The following FGF14 variants were observed in gnomAD, a reference collection of about 807,000 sequenced individuals.
FGF14 encodes the protein fibroblast growth factor 14.
FGF14 carries 5 observed loss-of-function variants against 25.5 expected under a neutral mutation model. The observed-to-expected ratio is 0.20, with a 90% CI of 0.10 to 0.41. The LOEUF (loss-of-function observed/expected upper bound fraction) is 0.41. Among genes scored for constraint, FGF14 ranks in the 10% least tolerant of loss-of-function variants. FGF14 has a pLI of 1.00. For synonymous variants in FGF14, 138 were observed against 118.3 expected, an observed-to-expected ratio of 1.17 and a Z score of -1.08; for missense variants, 222 against 320.1, an observed-to-expected ratio of 0.69 and a Z score of 2.34.
intron 1 of FGF14, among the ~76,000 whole-genome samples, chr13:101,996,689 G>T (rs2039205474): frequency 6.6e-6 from 1 of 152,166 alleles, no homozygotes; most frequent in Non-Finnish European, 1.5e-5. Flanking sequence ...TAGTTTGTAA[G>T]TAAGTTAGGA....
chr13:101,870,746 G>T (rs888373155), intron 2 of FGF14, among the ~76,000 whole-genome samples: 2 of 152,244 alleles, frequency 1.3e-5, no homozygotes, highest in South Asian at 2.1e-4. Flanking sequence ...CTGAGGTCAG[G>T]AGTTCGAGAC....
intron 4 of FGF14, 44 bp downstream of exon 4, chr13:101,726,568 T>C: frequency 6.4e-7 from 1 of 1,557,908 alleles, no homozygotes; most frequent in South Asian, 1.1e-5. Context: ...AAAAATAAAA[T>C]ATGTAATAAG....
chr13:102,050,526 TTCTG>T (rs939016195), intron 1 of FGF14, among the ~76,000 whole-genome samples: 1 of 152,164 alleles, frequency 6.6e-6, no homozygotes, highest in South Asian at 2.1e-4. Context: ...TAAGCTGATG[TTCTG>T]TCTAATAATG....
At chr13:101,804,194 A>G (rs2041066831) in intron 3 of FGF14, among the ~76,000 whole-genome samples, 1 of 152,166 alleles carries the variant, frequency 6.6e-6, no homozygotes, top group Non-Finnish European at 1.5e-5. Context: ...GTACTTAGAG[A>G]CCTTAGTGAG....
chr13:102,196,190 C>T (rs752570118), intron 1 of FGF14, among the ~76,000 whole-genome samples: 3 of 152,162 alleles, frequency 2.0e-5, no homozygotes, highest in Non-Finnish European at 2.9e-5. Flanking sequence ...CCGTGACAAT[C>T]GTCTAGACAA....
chr13:102,276,895 T>C (rs972621571), intron 1 of FGF14, among the ~76,000 whole-genome samples: 1 of 152,210 alleles, frequency 6.6e-6, no homozygotes, highest in African/African-American at 2.4e-5. Context: ...CTTGGTAGTA[T>C]GTTCACAGGT....
At chr13:101,835,219 G>C (rs1190871842) in intron 3 of FGF14, among the ~76,000 whole-genome samples, 4 of 152,072 alleles carry the variant, frequency 2.6e-5, no homozygotes, top group African/African-American at 9.7e-5. Flanking sequence ...TTTCAAGGTT[G>C]TGTATGTGGG....
At chr13:101,860,224 T>C (rs527674463) in intron 3 of FGF14, among the ~76,000 whole-genome samples, 1 of 152,150 alleles carries the variant, frequency 6.6e-6, no homozygotes, top group Non-Finnish European at 1.5e-5. Flanking sequence ...TTCTGAAGTC[T>C]CAGCAGAAGT....
intron 1 of FGF14, among the ~76,000 whole-genome samples, chr13:102,090,873 G>A (rs931222198): frequency 2.0e-5 from 3 of 152,180 alleles, no homozygotes; most frequent in Non-Finnish European, 4.4e-5. Flanking sequence ...CCATTGAGTC[G>A]GCTAGGAGCC....
At chr13:102,276,787 G>A (rs1046164950) in intron 1 of FGF14, among the ~76,000 whole-genome samples, 2 of 152,126 alleles carry the variant, frequency 1.3e-5, no homozygotes, top group Admixed American at 6.5e-5. Flanking sequence ...TACTATAACA[G>A]CATGACATTT....
intron 1 of FGF14, among the ~76,000 whole-genome samples, chr13:101,991,216 T>A (rs1207095532): frequency 6.6e-6 from 1 of 152,152 alleles, no homozygotes; most frequent in Non-Finnish European, 1.5e-5. Flanking sequence ...AATACTTTTT[T>A]AAAATACTGA....
At chr13:102,376,644 C>A (rs1423014874) in intron 1 of FGF14, among the ~76,000 whole-genome samples, 2 of 152,118 alleles carry the variant, frequency 1.3e-5, no homozygotes, top group East Asian at 1.9e-4. Flanking sequence ...AAAAAGAAAA[C>A]CCTCGCTATA....
At chr13:102,097,386 G>C (rs2044452159) in intron 1 of FGF14, among the ~76,000 whole-genome samples, 1 of 152,046 alleles carries the variant, frequency 6.6e-6, no homozygotes, top group Admixed American at 6.6e-5. Flanking sequence ...AAGCTGTCTG[G>C]GACAAATAGT....
At chr13:101,728,825 CT>C (rs2035615481) in intron 3 of FGF14, among the ~76,000 whole-genome samples, 1 of 152,112 alleles carries the variant, frequency 6.6e-6, no homozygotes, top group Non-Finnish European at 1.5e-5. Flanking sequence ...CAGAACCTGG[CT>C]CACTGATGCT....
chr13:101,772,625 T>C (rs1177130632), intron 3 of FGF14, among the ~76,000 whole-genome samples: 1 of 152,120 alleles, frequency 6.6e-6, no homozygotes, highest in South Asian at 2.1e-4. Context: ...GAATAAATTA[T>C]AGCACATATT....
At chr13:102,048,045 T>A (rs1344537436) in intron 1 of FGF14, among the ~76,000 whole-genome samples, 2 of 151,834 alleles carry the variant, frequency 1.3e-5, no homozygotes, top group African/African-American at 2.4e-5. Flanking sequence ...GCAGTTGATA[T>A]AAACTTTTCA....
intron 1 of FGF14, among the ~76,000 whole-genome samples, chr13:101,960,705 T>G (rs1260242860): frequency 6.6e-6 from 1 of 152,186 alleles, no homozygotes; most frequent in East Asian, 1.9e-4. Context: ...CGGGTGTATA[T>G]CCAGTAATGG....
At chr13:102,159,827 T>C (rs1396613731) in intron 1 of FGF14, among the ~76,000 whole-genome samples, 1 of 152,224 alleles carries the variant, frequency 6.6e-6, no homozygotes, top group African/African-American at 2.4e-5. Context: ...AATTTAAAGT[T>C]ATCTGGGTCA....
At chr13:102,053,231 C>A (rs192210882) in intron 1 of FGF14, among the ~76,000 whole-genome samples, 13 of 152,068 alleles carry the variant, frequency 8.5e-5, no homozygotes, top group Admixed American at 7.2e-4. Flanking sequence ...AGATTAAATT[C>A]TCCAATCAAA....
Sources: gnomAD v4.1 joint callset for allele counts (sites outside exome capture counted in the v4.1 genomes callset) on GRCh38, gnomAD v4.1.1 for gene constraint, MANE v1.5 for transcripts, NCBI Gene and HGNC (gene_info 2026-07-23, HGNC 2026-07-21) for gene names.